Variants in COG7 observed in about 807,000 individuals in gnomAD.
COG7 encodes the protein component of oligomeric golgi complex 7.
COG7 carries 49 observed loss-of-function variants against 91.5 expected under a neutral mutation model. The ratio of observed to expected loss-of-function variants is 0.54; its 90% CI spans 0.43 to 0.68. COG7 has a LOEUF of 0.68. Ranked by LOEUF, COG7 falls within the 30% of genes least tolerant of loss-of-function variation. COG7 has a pLI of 0.00. For missense variants in COG7, 895 were observed against 961.3 expected, an observed-to-expected ratio of 0.93 and a Z score of 0.91; for synonymous variants, 365 against 388.7, an observed-to-expected ratio of 0.94 and a Z score of 0.72.
At chr16:23,426,552 C>A (rs1963848547) in intron 6 of COG7, among the ~76,000 whole-genome samples, 1 of 151,880 alleles carries the variant, frequency 6.6e-6, no homozygotes, top group Non-Finnish European at 1.5e-5. Flanking sequence ...ATGTAATACA[C>A]CACATTAACA....
rs144180834 is a variant in COG7, at chr16:23,442,556, C to T, written c.525G>A (p.Val175=). The change falls in exon 4 of 17, where the codon GTG becomes GTA. Residue 175 remains valine (V), a synonymous_variant. Coordinates refer to ENST00000307149, the MANE Select transcript of COG7 (RefSeq NM_153603.4). The part of the protein sequence containing the change: ...VDTPDYSEKC[V]HLEALKNRLE... ...GCCTGTTCTTCAGTGCCTCCAAGTGCACACACTTTTCTGAGTAGTCTGGTG... is the reference window on the plus strand; with the variant it reads ...GCCTGTTCTTCAGTGCCTCCAAGTGTACACACTTTTCTGAGTAGTCTGGTG... The T allele has an allele frequency of 3.0e-4, 490 of 1,614,088 alleles. 4 individuals are homozygous for T. Among genetic ancestry groups the T allele is most frequent in the South Asian group, 1.3e-3 (117 of 91,084 alleles).
intron 6 of COG7, among the ~76,000 whole-genome samples, chr16:23,432,309 G>A (rs1471835309): frequency 1.4e-4 from 21 of 152,076 alleles, no homozygotes; most frequent in Admixed American, 1.4e-3. Flanking sequence ...AATGACTGAT[G>A]AACATCTGAA....
In COG7 at chr16:23,430,469, A is replaced by T. The variant is rs142024590; in HGVS notation, c.810+3076T>A. 1.3e-3 allele frequency among the ~76,000 whole-genome samples: 204 copies of T among 151,772 alleles called. 1 individual carries two copies. The highest frequency in any genetic ancestry group is 4.6e-3 in the African/African-American group (190 of 41,428). On this transcript the variant is annotated intron_variant, in intron 6 of 16. Transcript: ENST00000307149. ...AAGATTGTATTTCACAATTTTACCT[A>T]AAAAAAATGTAAGTAAACATTGAAC...
chr16:23,388,931 C>A lies in COG7; in HGVS notation c.2302G>T (p.Val768Leu). 6.2e-7 allele frequency: 1 copy of A among 1,614,096 alleles called. No homozygotes were observed. The highest frequency in any genetic ancestry group is 8.5e-7 in the Non-Finnish European group (1 of 1,179,992). The change falls in exon 17 of 17, where the codon GTG becomes TTG. Residue 768 changes from valine (V) to leucine (L), a missense_variant. Coordinates refer to ENST00000307149, the MANE Select transcript of COG7 (RefSeq NM_153603.4). ...GGTGTGTGGTGGGGTCAGTAATTCA[C>A]ACTCCGCATGGTGGCCACGGTGGTG... ...LATTVATMRS[V>L]NY
intron 3 of COG7, among the ~76,000 whole-genome samples, chr16:23,444,650 T>TGCA (rs2142095515): frequency 6.6e-6 from 1 of 152,004 alleles, no homozygotes; most frequent in Non-Finnish European, 1.5e-5. Flanking sequence ...ACTACAAATG[T>TGCA]GCAGCACCAC....
rs150246511 is a variant in COG7 at position 23,406,306 on chromosome 16, G to A, written c.1476-44C>T. ...CCATTATGCCCTGAGCTATTTGCAT[G>A]GAACTTTCTTCTTGGAGCAGTCAGA... On this transcript the variant is annotated intron_variant, in intron 11 of 16. Transcript: ENST00000307149. The A allele has an allele frequency of 2.2e-3, 3,407 of 1,530,708 alleles. 8 individuals are homozygous for A. Among genetic ancestry groups the A allele is most frequent in the Middle Eastern group, 8.8e-3 (52 of 5,898 alleles). The allele number at this position is 1,530,708 out of a possible 1,614,324, so 94.8% of individuals were successfully genotyped here.
intron 4 of COG7, among the ~76,000 whole-genome samples, chr16:23,437,407 C>T (rs1316713755): frequency 6.6e-6 from 1 of 152,132 alleles, no homozygotes; most frequent in Non-Finnish European, 1.5e-5. Flanking sequence ...GTAGTAGCCA[C>T]AAATTCACAA....
chr16:23,407,397 C>T (rs1043447082), intron 11 of COG7, among the ~76,000 whole-genome samples: 3 of 152,220 alleles, frequency 2.0e-5, no homozygotes, highest in Non-Finnish European at 2.9e-5. Flanking sequence ...CTGGCTTCCC[C>T]TTCCTCTAGT....
At chr16:23,389,511 C>G (rs1318518541) in intron 16 of COG7, among the ~76,000 whole-genome samples, 8 of 151,982 alleles carry the variant, frequency 5.3e-5, no homozygotes, top group Non-Finnish European at 8.8e-5. Flanking sequence ...TCTGAAGGAC[C>G]AGCTGACCTC....
intron 10 of COG7, 77 bp from the exon 11 acceptor site, chr16:23,410,437 T>C (rs1963544362): frequency 8.1e-7 from 1 of 1,230,862 alleles, no homozygotes; most frequent in Non-Finnish European, 1.2e-6. Flanking sequence ...GTCTTATTCA[T>C]AAAAATCCTA....
intron 12 of COG7, 62 bp downstream of exon 12, chr16:23,406,012 GGA>G (rs1462724288): frequency 3.4e-6 from 5 of 1,477,394 alleles, no homozygotes; most frequent in Non-Finnish European, 4.7e-6. Flanking sequence ...ACCCAGAGAG[GGA>G]GAGGGTGAGT....
chr16:23,445,885 GA>G lies in COG7; in HGVS notation c.245del (p.Phe82SerfsTer2), dbSNP rs1964173306. The G allele has an allele frequency of 2.1e-5, 34 of 1,611,604 alleles. No individual in the cohort carries two copies. Among genetic ancestry groups the G allele is most frequent in the Non-Finnish European group, 2.8e-5 (33 of 1,178,918 alleles). Reference protein sequence around the residue: ...DVEALKQEASFLKEQMILVKE... With the variant: ...DVEALKQEASXLKEQMILVKE... ...TGACAAGAATCATCTGTTCTTTCAG[GA>G]AAGATGCCTCCTGTTTTAGGGCTTC... On this transcript the variant is annotated frameshift_variant, in exon 2 of 17. Transcript: ENST00000307149. LOFTEE classifies it high-confidence loss of function.
At chr16:23,412,845 C>T (rs1318511430) in intron 10 of COG7, 1 of 153,976 alleles carries the variant, frequency 6.5e-6, no homozygotes. Flanking sequence ...ACCACCACAC[C>T]CAGCTAATTT....
At chr16:23,389,132 C>A (rs376281497) in intron 16 of COG7, 46 bp from the exon 17 acceptor site, 11 of 1,603,872 alleles carry the variant, frequency 6.9e-6, no homozygotes, top group Non-Finnish European at 9.4e-6. Context: ...AGACTCAGCA[C>A]CAAGCAGGTC....
intron 5 of COG7, among the ~76,000 whole-genome samples, chr16:23,434,290 G>T (rs1963980058): frequency 1.3e-5 from 2 of 151,508 alleles, no homozygotes; most frequent in African/African-American, 4.8e-5. Context: ...TATCTCTAAA[G>T]AAAAAAAGAG....
At chr16:23,452,240 C>T (rs534744743) in intron 1 of COG7, among the ~76,000 whole-genome samples, 5 of 152,302 alleles carry the variant, frequency 3.3e-5, no homozygotes, top group African/African-American at 1.2e-4. Flanking sequence ...AGAGCTACTG[C>T]AATAAGATCC....
At chr16:23,405,988 A>C in intron 12 of COG7, 88 bp downstream of exon 12, 11 of 1,193,598 alleles carry the variant, frequency 9.2e-6, no homozygotes, top group South Asian at 2.4e-5. Flanking sequence ...GGCCACACAC[A>C]GGGCCCGCCT....
chr16:23,398,179 G>C, intron 13 of COG7, 50 bp from the exon 14 acceptor site: 3 of 1,438,960 alleles, frequency 2.1e-6, no homozygotes, highest in Non-Finnish European at 2.9e-6. Flanking sequence ...CCAGGCAGCT[G>C]TGAAGACGCC....
chr16:23,409,794 C>T (rs1671626576), intron 11 of COG7, among the ~76,000 whole-genome samples: 1 of 152,136 alleles, frequency 6.6e-6, no homozygotes, highest in African/African-American at 2.4e-5. Flanking sequence ...ACAAGCTTTT[C>T]CAGGGCAGAC....
Sources: allele counts gnomAD v4.1 joint callset (sites outside exome capture counted in the v4.1 genomes callset), GRCh38; gene constraint gnomAD v4.1.1; transcripts MANE v1.5; gene names NCBI Gene and HGNC (gene_info 2026-07-23, HGNC 2026-07-21).